Variants in CCDC93 observed in about 807,000 individuals in gnomAD.
CCDC93 encodes the protein CCC complex scaffolding subunit CCDC93.
Under a neutral mutation model 108.2 loss-of-function variants are expected in CCDC93, and 61 were observed. The observed-to-expected ratio is 0.56, with a 90% CI of 0.46 to 0.70. The LOEUF (loss-of-function observed/expected upper bound fraction) is 0.70. CCDC93 is among the 30% of genes least tolerant of loss of function. The pLI, the probability that CCDC93 is intolerant of heterozygous loss-of-function variation, is 0.00. For missense variants in CCDC93, 685 were observed against 764.2 expected (o/e 0.90, Z 1.22); for synonymous variants, 276 against 260.4 (o/e 1.06, Z -0.58).
chr2:117,933,947 T>C (rs1678434600), intron 22 of CCDC93: 1 of 152,120 alleles, frequency 6.6e-6, no homozygotes, highest in Non-Finnish European at 1.5e-5. Flanking sequence ...CACTCTGCCC[T>C]GGGTGCCATT....
At chr2:117,962,380 G>A (rs926332057) in intron 11 of CCDC93, among the ~76,000 whole-genome samples, 5 of 152,110 alleles carry the variant, frequency 3.3e-5, no homozygotes, top group African/African-American at 1.2e-4. Context: ...GCAGTGGCTC[G>A]CGCCTGTAAT....
intron 23 of CCDC93, among the ~76,000 whole-genome samples, chr2:117,923,777 G>C (rs1677975405): frequency 6.6e-6 from 1 of 152,164 alleles, no homozygotes; most frequent in Non-Finnish European, 1.5e-5. Context: ...GCTTAGAAGA[G>C]AATAGTGTTT....
At position 117,957,696 on chromosome 2, in the gene CCDC93, A is replaced by G. The variant is rs115022444; in HGVS notation, c.1005+669T>C. 6.8e-3 allele frequency among the ~76,000 whole-genome samples: 1,038 copies of G among 152,244 alleles called. 13 individuals carry two copies. Among genetic ancestry groups the G allele is most frequent in the African/African-American group, 0.02 (849 of 41,552 alleles). ...CTTCATTCATGACTCCCTGGCCACA[A>G]AACAGACTGGCTAAGACCCTTCCTC... On this transcript the variant is annotated intron_variant, in intron 12 of 23. Coordinates refer to ENST00000376300, the MANE Select transcript of CCDC93 (RefSeq NM_019044.5).
intron 6 of CCDC93, among the ~76,000 whole-genome samples, 199 bp from the exon 7 acceptor site, chr2:117,986,268 G>A (rs530684527): frequency 1.3e-5 from 2 of 151,680 alleles, no homozygotes; most frequent in South Asian, 4.2e-4. Flanking sequence ...CTACCGTGGG[G>A]TATATTTTAA....
chr2:118,005,393 C>T (rs1055545601), intron 3 of CCDC93, among the ~76,000 whole-genome samples: 1 of 152,162 alleles, frequency 6.6e-6, no homozygotes, highest in African/African-American at 2.4e-5. Context: ...GTATAGGAAG[C>T]AATCAGCTCA....
At chr2:118,010,895 C>A (rs536623796) in intron 1 of CCDC93, among the ~76,000 whole-genome samples, 1 of 152,182 alleles carries the variant, frequency 6.6e-6, no homozygotes, top group South Asian at 2.1e-4. Context: ...CTGAAATGGC[C>A]ACTCTCCTCA....
At chr2:117,951,211 C>A (rs974121960) in intron 13 of CCDC93, 4 of 985,174 alleles carry the variant, frequency 4.1e-6, no homozygotes, top group Non-Finnish European at 4.8e-6. Context: ...AGGGGCTCTG[C>A]GGCATTAAAA....
At chr2:117,969,397 G>C (rs557822515) in intron 11 of CCDC93, among the ~76,000 whole-genome samples, 2 of 152,324 alleles carry the variant, frequency 1.3e-5, no homozygotes, top group African/African-American at 4.8e-5. Context: ...CTGCAGCCTT[G>C]TAAGACTCAC....
At chr2:117,991,351 G>C (rs759960763) in intron 6 of CCDC93, among the ~76,000 whole-genome samples, 1 of 152,182 alleles carries the variant, frequency 6.6e-6, no homozygotes, top group African/African-American at 2.4e-5. Context: ...CTGGGACCCA[G>C]AGAAGCAATA....
chr2:117,990,289 A>G (rs867586886), intron 6 of CCDC93, among the ~76,000 whole-genome samples: 1 of 152,188 alleles, frequency 6.6e-6, no homozygotes, highest in South Asian at 2.1e-4. Flanking sequence ...ATGTCCTTTG[A>G]AAATACCACC....
chr2:117,928,904 T>G (rs1328261963), intron 23 of CCDC93, among the ~76,000 whole-genome samples: 1 of 152,172 alleles, frequency 6.6e-6, no homozygotes, highest in African/African-American at 2.4e-5. Flanking sequence ...ATGTGGCACA[T>G]ATACACCACG....
At position 117,952,444 on chromosome 2, in the gene CCDC93, G is replaced by T; in HGVS notation, c.1006-9C>A. On this transcript the variant is annotated splice_polypyrimidine_tract_variant and intron_variant, in intron 12 of 23. Coordinates refer to ENST00000376300, the MANE Select transcript of CCDC93 (RefSeq NM_019044.5). The stretch of plus-strand genomic sequence containing the variant: ...GTGTGACTTGCTCGCAGCTGTAAAT[G>T]AAAGATAAAAGACATATGCTCTCAT... The T allele has an allele frequency of 6.2e-7, 1 of 1,605,850 alleles. No individual in the cohort carries two copies. The highest frequency in any genetic ancestry group is 8.5e-7 in the Non-Finnish European group (1 of 1,172,544).
intron 6 of CCDC93, among the ~76,000 whole-genome samples, chr2:117,993,482 G>A (rs555109471): frequency 3.3e-4 from 49 of 148,660 alleles, no homozygotes; most frequent in South Asian, 6.4e-4. Flanking sequence ...TTACTGTTTT[G>A]AATAGGTAAT....
chr2:117,936,042 A>G (rs1678512552), intron 21 of CCDC93, among the ~76,000 whole-genome samples: 1 of 151,994 alleles, frequency 6.6e-6, no homozygotes, highest in Non-Finnish European at 1.5e-5. Flanking sequence ...TTTTAAGAAA[A>G]GAAGCTTAAA....
chr2:117,938,496 G>A (rs1314831901), intron 20 of CCDC93, among the ~76,000 whole-genome samples: 3 of 147,312 alleles, frequency 2.0e-5, no homozygotes, highest in Admixed American at 7.0e-5. Flanking sequence ...TAACTAACCT[G>A]CAAATGTGCA....
At chr2:117,977,770 A>G (rs1316515844) in intron 8 of CCDC93, among the ~76,000 whole-genome samples, 1 of 152,156 alleles carries the variant, frequency 6.6e-6, no homozygotes, top group Non-Finnish European at 1.5e-5. Flanking sequence ...ACAACTTTCA[A>G]TCACCCCTCA....
chr2:117,926,408 T>C (rs911455324), intron 23 of CCDC93, among the ~76,000 whole-genome samples: 10 of 151,996 alleles, frequency 6.6e-5, no homozygotes, highest in Admixed American at 2.6e-4. Context: ...AAGAATCAAA[T>C]AGACGCAATA....
At chr2:117,970,097 A>T (rs907101282) in intron 11 of CCDC93, among the ~76,000 whole-genome samples, 4 of 152,220 alleles carry the variant, frequency 2.6e-5, no homozygotes, top group African/African-American at 9.7e-5. Flanking sequence ...GAGAGCACTG[A>T]CAAAACAAAA....
intron 1 of CCDC93, among the ~76,000 whole-genome samples, chr2:118,009,536 G>T (rs570330249): frequency 6.6e-6 from 1 of 152,266 alleles, no homozygotes; most frequent in Non-Finnish European, 1.5e-5. Flanking sequence ...GCTGAGCATG[G>T]TGGTGCACAC....
Sources: allele counts gnomAD v4.1 joint callset (sites outside exome capture counted in the v4.1 genomes callset), GRCh38; gene constraint gnomAD v4.1.1; transcripts MANE v1.5; gene names NCBI Gene and HGNC (gene_info 2026-07-23, HGNC 2026-07-21).